Variants in PTN observed in about 807,000 individuals in gnomAD.
PTN encodes the protein heparin affin regulatory protein.
Under a neutral mutation model 24.1 loss-of-function variants are expected in PTN, and 18 were observed. That is an observed-to-expected ratio of 0.75 (90% confidence interval 0.52 to 1.11). The LOEUF (loss-of-function observed/expected upper bound fraction) is 1.11, where lower values mean the gene tolerates loss of function less well. PTN is among the 50% of genes least tolerant of loss of function. The pLI is 0.00. For missense variants in PTN, 163 were observed against 198.8 expected, an observed-to-expected ratio of 0.82 and a Z score of 1.08; for synonymous variants, 78 against 68.6, an observed-to-expected ratio of 1.14 and a Z score of -0.67.
intron 1 of PTN, among the ~76,000 whole-genome samples, chr7:137,304,832 C>T (rs1023481073): frequency 2.6e-5 from 4 of 151,950 alleles, no homozygotes; most frequent in South Asian, 2.1e-4. Context: ...ATCCTGGTGG[C>T]GCTGTTTGGG....
chr7:137,324,417 T>TAAAAAAAAAAAAAAAAAA (rs1366943397), intron 1 of PTN, among the ~76,000 whole-genome samples: 5 of 63,454 alleles, frequency 7.9e-5, no homozygotes, highest in African/African-American at 3.4e-4. Flanking sequence ...ACCCTGTCTC[T>TAAAAAAAAAAAAAAAAAA]AAAAAAAAAA....
intron 1 of PTN, among the ~76,000 whole-genome samples, chr7:137,336,442 G>A (rs1810449916): frequency 6.6e-6 from 1 of 152,088 alleles, no homozygotes; most frequent in Admixed American, 6.6e-5. Flanking sequence ...CCTGTCTCTT[G>A]GATTGGGAGT....
chr7:137,228,555 T>C (rs1357661293), intron 4 of PTN, among the ~76,000 whole-genome samples: 3 of 151,758 alleles, frequency 2.0e-5, no homozygotes, highest in African/African-American at 7.3e-5. Flanking sequence ...AGCAAACAAT[T>C]GCAAAGTGGT....
intron 1 of PTN, among the ~76,000 whole-genome samples, chr7:137,320,371 A>G (rs187171290): frequency 0.01 from 1,576 of 151,006 alleles, 31 homozygotes; most frequent in African/African-American, 0.036. Flanking sequence ...TGAAGACTCC[A>G]TTTTCTAACT....
intron 1 of PTN, among the ~76,000 whole-genome samples, chr7:137,306,547 T>C (rs1236390362): frequency 6.6e-6 from 1 of 152,068 alleles, no homozygotes; most frequent in Admixed American, 6.6e-5. Flanking sequence ...TGAGATCTTC[T>C]GCAAAATGAA....
At chr7:137,232,747 C>T (rs1585002834) in intron 4 of PTN, among the ~76,000 whole-genome samples, 1 of 151,862 alleles carries the variant, frequency 6.6e-6, no homozygotes, top group African/African-American at 2.4e-5. Context: ...CCCCATAATC[C>T]CCATGTGTCA....
intron 1 of PTN, among the ~76,000 whole-genome samples, chr7:137,269,635 T>C (rs1304433319): frequency 7.2e-6 from 1 of 139,018 alleles, no homozygotes; most frequent in East Asian, 2.1e-4. Flanking sequence ...TTTTTTTTTT[T>C]TTTTTTTTTT....
intron 4 of PTN, among the ~76,000 whole-genome samples, chr7:137,240,622 A>C (rs780985589): frequency 6.6e-6 from 1 of 152,258 alleles, no homozygotes; most frequent in African/African-American, 2.4e-5. Flanking sequence ...ATCATGGCCC[A>C]GTCTGCTGTC....
intron 1 of PTN, among the ~76,000 whole-genome samples, chr7:137,287,174 C>T (rs1809569689): frequency 6.6e-6 from 1 of 152,152 alleles, no homozygotes; most frequent in Admixed American, 6.5e-5. Context: ...GGCTTGTTCC[C>T]CCAGATGATG....
At chr7:137,311,968 C>T (rs1809989633) in intron 1 of PTN, among the ~76,000 whole-genome samples, 1 of 128,328 alleles carries the variant, frequency 7.8e-6, no homozygotes, top group Non-Finnish European at 1.5e-5. Context: ...AATATGCAAT[C>T]TCTGAGAAGC....
At chr7:137,269,915 G>T (rs1809246118) in intron 1 of PTN, among the ~76,000 whole-genome samples, 1 of 152,068 alleles carries the variant, frequency 6.6e-6, no homozygotes, top group African/African-American at 2.4e-5. Flanking sequence ...ACAGGCGTGA[G>T]CCACCGCGCC....
At chr7:137,327,405 C>G (rs1278966050) in intron 1 of PTN, among the ~76,000 whole-genome samples, 2 of 152,010 alleles carry the variant, frequency 1.3e-5, no homozygotes, top group Admixed American at 1.3e-4. Context: ...AAATCAGGCC[C>G]CTCTGTTTTC....
intron 1 of PTN, among the ~76,000 whole-genome samples, chr7:137,287,175 C>A (rs1350209481): frequency 6.6e-6 from 1 of 152,208 alleles, no homozygotes. Context: ...GCTTGTTCCC[C>A]CAGATGATGT....
intron 1 of PTN, among the ~76,000 whole-genome samples, chr7:137,332,691 A>C (rs1810378737): frequency 6.6e-6 from 1 of 152,154 alleles, no homozygotes; most frequent in Non-Finnish European, 1.5e-5. Flanking sequence ...TTGCACAGAG[A>C]GGGCAATTTT....
At chr7:137,294,477 T>C (rs979886733) in intron 1 of PTN, among the ~76,000 whole-genome samples, 3 of 152,140 alleles carry the variant, frequency 2.0e-5, no homozygotes, top group Non-Finnish European at 4.4e-5. Context: ...AGTTTCCTTT[T>C]AAAATTTAGA....
chr7:137,248,881 T>C (rs1226181742), intron 4 of PTN, among the ~76,000 whole-genome samples: 5 of 152,212 alleles, frequency 3.3e-5, no homozygotes, highest in African/African-American at 1.2e-4. Context: ...AATCATATTT[T>C]CAATTAATTA....
chr7:137,297,350 G>T (rs2128878022), intron 1 of PTN, among the ~76,000 whole-genome samples: 1 of 152,204 alleles, frequency 6.6e-6, no homozygotes, highest in South Asian at 2.1e-4. Context: ...TGTCTAAACA[G>T]AATGGAAGTT....
At chr7:137,257,875 T>C (rs1485776388) in intron 1 of PTN, among the ~76,000 whole-genome samples, 5 of 152,146 alleles carry the variant, frequency 3.3e-5, no homozygotes, top group African/African-American at 1.2e-4. Flanking sequence ...CTATGATACC[T>C]ACAGCAAGAA....
intron 1 of PTN, among the ~76,000 whole-genome samples, chr7:137,317,326 G>A (rs879645711): frequency 1.3e-5 from 2 of 152,118 alleles, no homozygotes; most frequent in African/African-American, 2.4e-5. Flanking sequence ...TTCCTATGTG[G>A]TTAGTGAAAG....
Sources: gnomAD v4.1 joint callset for allele counts (sites outside exome capture counted in the v4.1 genomes callset) on GRCh38, gnomAD v4.1.1 for gene constraint, MANE v1.5 for transcripts, NCBI Gene and HGNC (gene_info 2026-07-23, HGNC 2026-07-21) for gene names.